CWF19L2: variants seen among roughly 807,000 people sequenced by gnomAD.
CWF19L2 encodes the protein CWF19 like cell cycle control factor 2.
A neutral mutation model predicts 111.7 loss-of-function variants in CWF19L2; 98 were observed. The observed-to-expected ratio is 0.88, with a 90% CI of 0.75 to 1.04. The LOEUF is 1.04. CWF19L2 is among the 50% of genes least tolerant of loss of function. CWF19L2 has a pLI of 0.00. For synonymous variants in CWF19L2, 351 were observed against 342.9 expected (o/e 1.02, Z -0.26); for missense variants, 1,101 against 1,051.4 (o/e 1.05, Z -0.65).
chr11:107,456,590 A>G lies in CWF19L2; in HGVS notation c.106-814T>C, dbSNP rs1186208433. Among the ~76,000 whole-genome samples the G allele has an allele frequency of 2.6e-5, 4 of 151,904 alleles. No individual in the cohort carries two copies. The East Asian group carries it at 7.7e-4, about 29-fold the overall frequency. On this transcript the variant is annotated intron_variant, in intron 1 of 17. Coordinates refer to ENST00000282251, the MANE Select transcript of CWF19L2 (RefSeq NM_152434.3). ...ATTTTCTTTTTTTTTTTAATCAAAT[A>G]TAAAAATAATTTATTAAAGGTTTAT... is the stretch of plus-strand genomic sequence containing the variant.
intron 8 of CWF19L2, 37 bp downstream of exon 8, chr11:107,428,762 G>A (rs879170265): frequency 1.4e-6 from 2 of 1,481,362 alleles, no homozygotes; most frequent in East Asian, 2.3e-5. Context: ...TGAACTCTCT[G>A]GATCTTAACT....
At position 107,390,224 on chromosome 11, in the gene CWF19L2, G is replaced by C; in HGVS notation, c.1735-13C>G. ...CATGGGTTGAAACCTATGACAAAATGAACATTATTAATTTAATGAAAACAT... is the reference window on the plus strand; with the variant it reads ...CATGGGTTGAAACCTATGACAAAATCAACATTATTAATTTAATGAAAACAT... On this transcript the variant is annotated splice_polypyrimidine_tract_variant and intron_variant, in intron 11 of 17. Coordinates refer to ENST00000282251, the MANE Select transcript of CWF19L2 (RefSeq NM_152434.3). The C allele has an allele frequency of 3.8e-6, 6 of 1,572,466 alleles. No homozygotes were observed. Among genetic ancestry groups the C allele is most frequent in the Non-Finnish European group, 5.2e-6 (6 of 1,159,474 alleles).
At chr11:107,434,561 G>T (rs7123986) in intron 6 of CWF19L2, among the ~76,000 whole-genome samples, 20,372 of 149,562 alleles carry the variant, frequency 0.14, 1,607 homozygotes, top group Non-Finnish European at 0.17. Flanking sequence ...ATTCATAGCA[G>T]AACACTGCAA....
chr11:107,399,512 C>G (rs956019735), intron 10 of CWF19L2, among the ~76,000 whole-genome samples: 1 of 152,144 alleles, frequency 6.6e-6, no homozygotes, highest in South Asian at 2.1e-4. Flanking sequence ...CCTTGTCCAA[C>G]AGGAAAATAT....
At chr11:107,417,227 T>C (rs1280451875) in intron 9 of CWF19L2, among the ~76,000 whole-genome samples, 1 of 152,244 alleles carries the variant, frequency 6.6e-6, no homozygotes, top group Non-Finnish European at 1.5e-5. Flanking sequence ...TCTATCAAGA[T>C]GTGGAATATC....
At chr11:107,351,177 A>G (rs1860151685) in intron 13 of CWF19L2, among the ~76,000 whole-genome samples, 1 of 152,240 alleles carries the variant, frequency 6.6e-6, no homozygotes, top group Admixed American at 6.5e-5. Context: ...GTAATAAATG[A>G]TGATGACTTG....
chr11:107,418,228 G>A lies in CWF19L2; in HGVS notation c.1493C>T (p.Ala498Val), dbSNP rs1384463024. ...CATCATCTCTGCTTTGATAATCTTGGCTCCCAACTTGTTCTTCTCATCAAC... is the reference window on the plus strand; with the variant it reads ...CATCATCTCTGCTTTGATAATCTTGACTCCCAACTTGTTCTTCTCATCAAC... ...LSVDEKNKLGAKIIKAEMMGN... is the reference protein window; with the variant it reads ...LSVDEKNKLGVKIIKAEMMGN... Residue 498 changes from alanine (A) to valine (V), a missense_variant, in exon 9 of 18, where the codon GCC (alanine) becomes GTC (valine). Physicochemically the swap from Ala to Val is moderately conservative, Grantham distance 64. Coordinates refer to ENST00000282251, the MANE Select transcript of CWF19L2 (RefSeq NM_152434.3). 1 of 1,611,918 alleles carries A rather than the reference G, an allele frequency of 6.2e-7. No individual in the cohort carries two copies. Among genetic ancestry groups the A allele is most frequent in the African/African-American group, 1.3e-5 (1 of 74,828 alleles).
At position 107,390,149 on chromosome 11, in the gene CWF19L2, T is replaced by C. The variant is rs1860826749; in HGVS notation, c.1797A>G (p.Leu599=). The C allele has an allele frequency of 5.6e-6, 9 of 1,612,150 alleles. No homozygotes were observed. In the East Asian group the frequency reaches 2.0e-4, roughly 36 times the overall value. Residue 599 remains leucine, a synonymous_variant, in exon 12 of 18, where the codon CTA becomes CTG. Coordinates refer to ENST00000282251, the MANE Select transcript of CWF19L2 (RefSeq NM_152434.3). ...TCTTTTCATTTTTGACTAAATCATT[T>C]AGGCTTAGATTATCATCATCATGAA... The part of the protein sequence containing the change: ...RYFHDDDNLS[L]NDLVKNEKMG...
chr11:107,394,212 C>T (rs1017836851), intron 10 of CWF19L2, among the ~76,000 whole-genome samples: 14 of 151,886 alleles, frequency 9.2e-5, no homozygotes, highest in Non-Finnish European at 2.9e-5. Context: ...TAATATATAC[C>T]TATTATTGAT....
Position 107,370,222 on chromosome 11 carries a change from C to A in CWF19L2, c.1873-16486G>T. 1.5e-5 allele frequency among the ~76,000 whole-genome samples: 2 copies of A among 137,334 alleles called. 1 individual carries two copies. The allele number at this position is 137,334 out of a possible 152,430, so 90.1% of individuals were successfully genotyped here. A position where few individuals can be genotyped will look rare whatever the true frequency, so the allele number is the denominator to read the frequency against. On this transcript the variant is annotated intron_variant, in intron 12 of 17. Coordinates refer to ENST00000282251, the MANE Select transcript of CWF19L2 (RefSeq NM_152434.3). ...TCTAAAAGTTGTTCTTCTATTAAAT[C>A]ATGTACCACTGCAATACTAAAAAGT...
chr11:107,340,801 C>T (rs1306075403), intron 14 of CWF19L2, among the ~76,000 whole-genome samples: 2 of 152,160 alleles, frequency 1.3e-5, no homozygotes, highest in East Asian at 1.9e-4. Flanking sequence ...TATGTTGACT[C>T]TCCTAATCCA....
chr11:107,433,558 CAA>C lies in CWF19L2; in HGVS notation c.780+74_780+75del, dbSNP rs528831580. 8 of 499,246 alleles carry C rather than the reference CAA, an allele frequency of 1.6e-5. No individual in the cohort carries two copies. In the South Asian group the frequency reaches 3.6e-4, roughly 23 times the overall value. The allele number at this position is 499,246 out of a possible 1,614,324, so 30.9% of individuals were successfully genotyped here. On this transcript the variant is annotated intron_variant, in intron 7 of 17. Coordinates refer to ENST00000282251, the MANE Select transcript of CWF19L2 (RefSeq NM_152434.3). Reference sequence around the variant, plus strand: ...AATATTAATTCAATTCTTCATGGCACAAAACAAAGCTAAAGGCACTTAATTTT... The same window carrying C: ...AATATTAATTCAATTCTTCATGGCACAACAAAGCTAAAGGCACTTAATTTT...
intron 10 of CWF19L2, among the ~76,000 whole-genome samples, chr11:107,398,044 A>T (rs1284821618): frequency 3.3e-5 from 5 of 152,192 alleles, no homozygotes; most frequent in Non-Finnish European, 7.3e-5. Context: ...TCAGCCCTAG[A>T]CCTTCCCTTT....
chr11:107,338,410 A>T (rs34443916), intron 14 of CWF19L2, among the ~76,000 whole-genome samples: 23,875 of 151,250 alleles, frequency 0.16, 2,159 homozygotes, highest in Middle Eastern at 0.26. Flanking sequence ...TTTTTTCTTC[A>T]ACTGTTACTT....
intron 8 of CWF19L2, among the ~76,000 whole-genome samples, chr11:107,425,084 A>G (rs1003680865): frequency 3.3e-5 from 5 of 151,656 alleles, no homozygotes; most frequent in African/African-American, 1.2e-4. Context: ...AACATGTCTC[A>G]ATTTCAAGAA....
At position 107,376,152 on chromosome 11, in the gene CWF19L2, C is replaced by A. The variant is rs1334637779; in HGVS notation, c.1872+13922G>T. 3.9e-5 allele frequency among the ~76,000 whole-genome samples: 5 copies of A among 129,002 alleles called. No homozygotes were observed. The East Asian group carries it at 1.2e-3, about 30-fold the overall frequency. The allele number at this position is 129,002 out of a possible 152,430, so 84.6% of individuals were successfully genotyped here. A position where few individuals can be genotyped will look rare whatever the true frequency, so the allele number is the denominator to read the frequency against. Reference sequence around the variant, plus strand: ...TTACCAATGAAAAAGAGTCCAGGACCAGATGGATTCACAGCCAAATTCTAC... The same window carrying A: ...TTACCAATGAAAAAGAGTCCAGGACAAGATGGATTCACAGCCAAATTCTAC... On this transcript the variant is annotated intron_variant, in intron 12 of 17. Coordinates refer to ENST00000282251, the MANE Select transcript of CWF19L2 (RefSeq NM_152434.3).
rs77275816 is a variant in CWF19L2 at position 107,426,583 on chromosome 11, G to C, written c.1433+2216C>G. On this transcript the variant is annotated intron_variant, in intron 8 of 17. Transcript: ENST00000282251. The stretch of plus-strand genomic sequence containing the variant: ...CTAAAATTCCATCAATAGGAAACCA[G>C]TGAAAAATATTAGGTTATGCCTAAG... 9.0e-3 allele frequency among the ~76,000 whole-genome samples: 1,373 copies of C among 151,760 alleles called. 18 individuals carry two copies. Among genetic ancestry groups the C allele is most frequent in the African/African-American group, 0.031 (1,298 of 41,452 alleles).
At chr11:107,444,255 C>G (rs1040954007) in intron 3 of CWF19L2, among the ~76,000 whole-genome samples, 1 of 152,100 alleles carries the variant, frequency 6.6e-6, no homozygotes, top group Non-Finnish European at 1.5e-5. Context: ...TACATTTTCT[C>G]AAAACTCTAC....
At chr11:107,344,502 C>A (rs1487729886) in intron 14 of CWF19L2, among the ~76,000 whole-genome samples, 1 of 152,158 alleles carries the variant, frequency 6.6e-6, no homozygotes, top group Non-Finnish European at 1.5e-5. Flanking sequence ...AAACAGAATT[C>A]TTGCTTGACA....
Sources: allele counts gnomAD v4.1 joint callset (sites outside exome capture counted in the v4.1 genomes callset), GRCh38; gene constraint gnomAD v4.1.1; transcripts MANE v1.5; gene names NCBI Gene and HGNC (gene_info 2026-07-23, HGNC 2026-07-21).